TMEM132D: variants seen among roughly 807,000 people sequenced by gnomAD.
TMEM132D encodes the protein transmembrane protein 132D, also known as mature OL transmembrane protein.
In TMEM132D, 21 loss-of-function variants were observed where a neutral mutation model predicts 62.3. The observed-to-expected ratio is 0.34, with a 90% CI of 0.24 to 0.49. The LOEUF (loss-of-function observed/expected upper bound fraction) is 0.49. Ranked by LOEUF, TMEM132D falls within the 20% of genes least tolerant of loss-of-function variation. The pLI is 0.99. For synonymous variants in TMEM132D, 621 were observed against 575.6 expected (o/e 1.08, Z -1.13); for missense variants, 1,346 against 1,402.8 (o/e 0.96, Z 0.65).
chr12:129,209,576 C>T lies in TMEM132D; in HGVS notation c.1387G>A (p.Val463Met). The T allele has an allele frequency of 3.1e-6, 5 of 1,614,208 alleles. No homozygotes were observed. Among genetic ancestry groups the T allele is most frequent in the East Asian group, 2.2e-5 (1 of 44,872 alleles). ...TCCACAGACTCCAGCAGCTCTGTCA[C>T]TGTGCCGTCGTCCTCCACGGAGACC... ...KVVSVEDDGT[V>M]TELLESVECR... The change falls in exon 5 of 9, where the codon GTG (valine) becomes ATG (methionine). Residue 463 changes from valine to methionine, a missense_variant. Coordinates refer to ENST00000422113, the MANE Select transcript of TMEM132D (RefSeq NM_133448.3).
At chr12:129,578,331 C>T (rs972998874) in intron 2 of TMEM132D, among the ~76,000 whole-genome samples, 9 of 151,398 alleles carry the variant, frequency 5.9e-5, no homozygotes, top group Non-Finnish European at 1.2e-4. Flanking sequence ...GAGACAATTT[C>T]GTAATAAATT....
chr12:129,108,103 AAAT>A (rs1313051684), intron 5 of TMEM132D, among the ~76,000 whole-genome samples: 1 of 152,174 alleles, frequency 6.6e-6, no homozygotes, highest in Admixed American at 6.5e-5. Context: ...TCCTTGCAAA[AAAT>A]AATCACTCCT....
At chr12:129,863,655 G>A (rs1173748410) in intron 1 of TMEM132D, among the ~76,000 whole-genome samples, 3 of 152,114 alleles carry the variant, frequency 2.0e-5, no homozygotes, top group Non-Finnish European at 4.4e-5. Context: ...AAAAACATTG[G>A]GATTGGGGTA....
At chr12:129,656,545 A>G (rs557178053) in intron 2 of TMEM132D, among the ~76,000 whole-genome samples, 2 of 152,268 alleles carry the variant, frequency 1.3e-5, no homozygotes, top group African/African-American at 4.8e-5. Flanking sequence ...TTTTACACCT[A>G]TACTAGGTGT....
chr12:129,676,827 T>C (rs1421638444), intron 2 of TMEM132D, among the ~76,000 whole-genome samples: 1 of 152,156 alleles, frequency 6.6e-6, no homozygotes, highest in Non-Finnish European at 1.5e-5. Flanking sequence ...ATGTTTATCA[T>C]CTATCTACCT....
intron 3 of TMEM132D, among the ~76,000 whole-genome samples, chr12:129,356,361 T>G (rs1319257078): frequency 2.3e-5 from 2 of 88,802 alleles, no homozygotes; most frequent in East Asian, 2.6e-4. Flanking sequence ...GTTTCACCGT[T>G]TTAGCCGGGA....
chr12:129,560,110 T>C (rs1018257601), intron 2 of TMEM132D, among the ~76,000 whole-genome samples: 2 of 152,200 alleles, frequency 1.3e-5, no homozygotes, highest in Non-Finnish European at 2.9e-5. Context: ...TGTGGCAATA[T>C]GTAGATTTCT....
At chr12:129,131,791 C>T (rs1238073810) in intron 5 of TMEM132D, among the ~76,000 whole-genome samples, 1 of 152,156 alleles carries the variant, frequency 6.6e-6, no homozygotes, top group East Asian at 1.9e-4. Flanking sequence ...TCAGTAAAAC[C>T]TGTTAGACCC....
chr12:129,466,334 G>A (rs536791834), intron 3 of TMEM132D, among the ~76,000 whole-genome samples: 81 of 118,428 alleles, frequency 6.8e-4, no homozygotes, highest in African/African-American at 2.4e-3. Flanking sequence ...TAGAGATGTG[G>A]TCTCACTCTG....
chr12:129,256,385 T>C (rs538706787), intron 4 of TMEM132D, among the ~76,000 whole-genome samples: 1 of 152,172 alleles, frequency 6.6e-6, no homozygotes, highest in East Asian at 1.9e-4. Flanking sequence ...CCGTGTGACA[T>C]AGCTGTAGCT....
intron 3 of TMEM132D, among the ~76,000 whole-genome samples, chr12:129,339,811 A>G (rs114771565): frequency 0.018 from 2,800 of 152,326 alleles, 82 homozygotes; most frequent in African/African-American, 0.061. Flanking sequence ...AGGAATTTAT[A>G]TAACAGAATT....
At chr12:129,230,950 T>A (rs540743787) in intron 4 of TMEM132D, among the ~76,000 whole-genome samples, 1 of 152,358 alleles carries the variant, frequency 6.6e-6, no homozygotes, top group Middle Eastern at 3.4e-3. Flanking sequence ...CTTCCCTCCA[T>A]TCCATGATCA....
intron 1 of TMEM132D, among the ~76,000 whole-genome samples, chr12:129,775,469 G>GC (rs1218031765): frequency 2.0e-5 from 3 of 152,112 alleles, no homozygotes; most frequent in African/African-American, 7.2e-5. Flanking sequence ...AGTACAAATC[G>GC]CCCCTGTTCA....
rs1371165975 is a variant in TMEM132D at position 129,867,002 on chromosome 12, C to T, written c.79+36259G>A. On this transcript the variant is annotated intron_variant, in intron 1 of 8. Coordinates refer to ENST00000422113, the MANE Select transcript of TMEM132D (RefSeq NM_133448.3). This position sits in a 1 kb window ranked among gnomAD's most constrained non-coding sequence, Gnocchi z 4.5. Reference sequence around the variant, plus strand: ...GTGGCTCATGCCTGTAATCCCGGCACCTTGCGAAGCTGAGGCAGGCAGATG... The same window carrying T: ...GTGGCTCATGCCTGTAATCCCGGCATCTTGCGAAGCTGAGGCAGGCAGATG... Among the ~76,000 whole-genome samples, 1 of 152,096 alleles carries T rather than the reference C, an allele frequency of 6.6e-6. No individual in the cohort carries two copies. Among genetic ancestry groups the T allele is most frequent in the Non-Finnish European group, 1.5e-5 (1 of 68,014 alleles).
At chr12:129,145,792 C>T (rs955999035) in intron 5 of TMEM132D, among the ~76,000 whole-genome samples, 2 of 152,118 alleles carry the variant, frequency 1.3e-5, no homozygotes, top group Admixed American at 1.3e-4. Flanking sequence ...GTCTCATTAA[C>T]AAATAAAAAT....
intron 5 of TMEM132D, among the ~76,000 whole-genome samples, chr12:129,196,400 G>T (rs2895125): frequency 0.53 from 80,111 of 151,932 alleles, 21,453 homozygotes; most frequent in Middle Eastern, 0.64. Flanking sequence ...TTCTGGGCTT[G>T]TGATTCCTGG....
intron 5 of TMEM132D, chr12:129,111,226 A>T (rs1875690829): frequency 2.6e-5 from 4 of 152,332 alleles, no homozygotes. Context: ...GGGGAGGAAG[A>T]GGGATGGGGC....
intron 2 of TMEM132D, among the ~76,000 whole-genome samples, chr12:129,696,166 G>A (rs184670305): frequency 3.3e-5 from 5 of 152,058 alleles, no homozygotes; most frequent in South Asian, 2.1e-4. Flanking sequence ...AAAGAATATC[G>A]TCTGAGCCTC....
intron 4 of TMEM132D, among the ~76,000 whole-genome samples, chr12:129,285,760 CTT>C (rs540187768): frequency 4.6e-5 from 7 of 151,534 alleles, no homozygotes; most frequent in African/African-American, 1.7e-4. Flanking sequence ...TGAAAAGTAA[CTT>C]TTTTTTTCTC....
Sources: allele counts gnomAD v4.1 joint callset (sites outside exome capture counted in the v4.1 genomes callset), GRCh38; gene constraint gnomAD v4.1.1; non-coding constraint Gnocchi (gnomAD v3.1); transcripts MANE v1.5; gene names NCBI Gene and HGNC (gene_info 2026-07-23, HGNC 2026-07-21).